Variants in RILPL2 observed in about 807,000 individuals in gnomAD.
RILPL2 encodes the protein Rab interacting lysosomal protein like 2, also known as RILP-like protein 2.
Under a neutral mutation model 22.2 loss-of-function variants are expected in RILPL2, and 19 were observed. The observed-to-expected ratio is 0.86, with a 90% CI of 0.60 to 1.25. RILPL2 has a LOEUF of 1.25. RILPL2 is among the 50% of genes most tolerant of loss of function. RILPL2 has a pLI of 0.00. For synonymous variants in RILPL2, 123 were observed against 111.6 expected (o/e 1.10, Z -0.64); for missense variants, 243 against 263.6 (o/e 0.92, Z 0.54).
rs1375337477 is a variant in RILPL2 at position 123,436,100 on chromosome 12, GCT to G, written c.319_320del (p.Ser107ProfsTer17). 1.3e-6 allele frequency: 2 copies of G among 1,579,330 alleles called. No individual in the cohort carries two copies. The highest frequency in any genetic ancestry group is 2.7e-5 in the African/African-American group (2 of 73,882). ...CACTCACCTCCCCGCTGGCCGGAGG[GCT>G]CTGTCTCCGCAGCCCCTCCACCTCC... ...RKEVEGLRRQ[S>X]PPASGEVNLG... On this transcript the variant is annotated frameshift_variant, in exon 1 of 4. Transcript: ENST00000280571. LOFTEE classifies it high-confidence loss of function. This position sits in a 1 kb window ranked among gnomAD's most constrained non-coding sequence, Gnocchi z 6.7.
Position 123,430,522 on chromosome 12 carries a change from C to G in RILPL2, c.477G>C (p.Leu159=). 6.2e-7 allele frequency: 1 copy of G among 1,606,432 alleles called. No homozygotes were observed. Among genetic ancestry groups the G allele is most frequent in the Non-Finnish European group, 8.5e-7 (1 of 1,175,510 alleles). Residue 159 remains leucine (L), a synonymous_variant, in exon 2 of 4, where the codon CTG becomes CTC. Coordinates refer to ENST00000280571, the MANE Select transcript of RILPL2 (RefSeq NM_145058.3). ...KSQLLVVQEE[L]QCYKSGLIPP... ...GTGGAGCCCACCTCTTGTAGCACTG[C>G]AGCTCTTCCTGCACCACCAGGAGCT...
intron 3 of RILPL2, among the ~76,000 whole-genome samples, chr12:123,421,487 T>G (rs1412436686): frequency 6.6e-6 from 1 of 152,010 alleles, no homozygotes; most frequent in East Asian, 1.9e-4. Context: ...CATGAACCAC[T>G]GCCCCCAGAG....
At chr12:123,435,405 G>A (rs1879767036) in intron 1 of RILPL2, among the ~76,000 whole-genome samples, 1 of 152,208 alleles carries the variant, frequency 6.6e-6, no homozygotes, top group Middle Eastern at 3.4e-3. Context: ...TCTTGTCTAT[G>A]TCTTTTTGTG....
chr12:123,432,230 G>A (rs989785276), intron 1 of RILPL2, among the ~76,000 whole-genome samples: 4 of 152,154 alleles, frequency 2.6e-5, no homozygotes, highest in Non-Finnish European at 5.9e-5. Context: ...AAGGGGTCAG[G>A]AATAGTGGCT....
Position 123,430,536 on chromosome 12 carries a change from C to A in RILPL2, c.463G>T (p.Val155Leu). 1.9e-6 allele frequency: 3 copies of A among 1,608,432 alleles called. No homozygotes were observed. The highest frequency in any genetic ancestry group is 2.5e-6 in the Non-Finnish European group (3 of 1,176,702). ...TTGTAGCACTGCAGCTCTTCCTGCA[C>A]CACCAGGAGCTGCGACTTGAGTTTG... The part of the protein sequence containing the change: ...RNKLKSQLLV[V>L]QEELQCYKSG... The change falls in exon 2 of 4, where the codon GTG (valine) becomes TTG (leucine). Residue 155 changes from valine to leucine, a missense_variant. Transcript: ENST00000280571.
intron 1 of RILPL2, among the ~76,000 whole-genome samples, 198 bp downstream of exon 1, chr12:123,435,884 C>T (rs925010012): frequency 2.6e-5 from 4 of 151,186 alleles, no homozygotes; most frequent in Non-Finnish European, 5.9e-5. Context: ...ACCCAGCACT[C>T]TAGGAGGCTG....
At chr12:123,410,940 C>T (rs1878955493), downstream of RILPL2, 1 of 152,198 alleles carries the variant, frequency 6.6e-6, no homozygotes, top group African/African-American at 2.4e-5. Flanking sequence ...CCAAGCTAGT[C>T]TCAAACCCCT....
intron 2 of RILPL2, among the ~76,000 whole-genome samples, chr12:123,428,657 C>T (rs908820110): frequency 1.3e-5 from 2 of 152,180 alleles, no homozygotes; most frequent in African/African-American, 2.4e-5. Context: ...CTAAATGCGG[C>T]GTGCTAATTA....
chr12:123,430,607 G>A lies in RILPL2; in HGVS notation c.392C>T (p.Pro131Leu). ...CCTTAGCTCCTGCAGAGTGAAGCGGGGTCGGTTGGGATCTGTCAGGTCAAC... is the reference window on the plus strand; with the variant it reads ...CCTTAGCTCCTGCAGAGTGAAGCGGAGTCGGTTGGGATCTGTCAGGTCAAC... ...MVVDLTDPNR[P>L]RFTLQELRDV... The change falls in exon 2 of 4, where the codon CCC (proline) becomes CTC (leucine). Residue 131 changes from proline (P) to leucine (L), a missense_variant. Physicochemically the swap from Pro to Leu is moderately conservative, Grantham distance 98. Transcript: ENST00000280571. 3 of 1,611,568 alleles carry A rather than the reference G, an allele frequency of 1.9e-6. No individual in the cohort carries two copies. Among genetic ancestry groups the A allele is most frequent in the Non-Finnish European group, 2.5e-6 (3 of 1,178,486 alleles).
intron 2 of RILPL2, among the ~76,000 whole-genome samples, chr12:123,426,423 G>A (rs985918209): frequency 1.3e-5 from 2 of 152,174 alleles, no homozygotes; most frequent in Admixed American, 6.6e-5. Context: ...AAAGTGTTGG[G>A]ATTACAGGTG....
chr12:123,413,204 C>A (rs561199989), downstream of RILPL2: 1 of 165,192 alleles, frequency 6.1e-6, no homozygotes, highest in Non-Finnish European at 1.3e-5. Context: ...CCCACCACCC[C>A]CCAAAAAAAA....
intron 1 of RILPL2, among the ~76,000 whole-genome samples, chr12:123,431,821 A>G (rs1402933779): frequency 6.7e-6 from 1 of 148,372 alleles, no homozygotes; most frequent in African/African-American, 2.5e-5. Flanking sequence ...GCGAAACTCC[A>G]TCTCAAAAAA....
chr12:123,416,280 C>T (rs933614863), intron 3 of RILPL2, among the ~76,000 whole-genome samples: 19 of 151,992 alleles, frequency 1.3e-4, no homozygotes, highest in Admixed American at 1.2e-3. Context: ...GCCGAGATTG[C>T]GCCACTGCAC....
chr12:123,436,181 A>G lies in RILPL2; in HGVS notation c.240T>C (p.Asn80=). The G allele has an allele frequency of 6.2e-7, 1 of 1,610,844 alleles. No homozygotes were observed. Among genetic ancestry groups the G allele is most frequent in the Non-Finnish European group, 8.5e-7 (1 of 1,178,828 alleles). ...RVLEMLEALV[N]EGSLALEELK... ...GCTCCTCCAGCGCCAGGCTGCCCTCATTCACCAGCGCCTCCAGCATCTCCA... is the reference window on the plus strand; with the variant it reads ...GCTCCTCCAGCGCCAGGCTGCCCTCGTTCACCAGCGCCTCCAGCATCTCCA... The change falls in exon 1 of 4, where the codon AAT becomes AAC. Residue 80 remains asparagine, a synonymous_variant. Coordinates refer to ENST00000280571, the MANE Select transcript of RILPL2 (RefSeq NM_145058.3). The surrounding 1 kb of genome is among the most constrained non-coding windows in gnomAD (Gnocchi z 6.7).
intron 3 of RILPL2, 135 bp from the exon 4 acceptor site, chr12:123,416,056 C>T (rs1010721448): frequency 5.2e-5 from 45 of 868,962 alleles, no homozygotes; most frequent in African/African-American, 2.7e-4. Context: ...TTGTGGCTCA[C>T]GCCTGTAATC....
At chr12:123,423,336 G>C (rs1367155359) in intron 2 of RILPL2, among the ~76,000 whole-genome samples, 179 bp from the exon 3 acceptor site, 1 of 150,832 alleles carries the variant, frequency 6.6e-6, no homozygotes, top group African/African-American at 2.4e-5. Context: ...TGAATAGCTA[G>C]GACTACAGGC....
In RILPL2 at chr12:123,436,616, C is replaced by T; in HGVS notation, c.-196G>A. The T allele has an allele frequency of 1.1e-6, 1 of 893,100 alleles. No homozygotes were observed. Among genetic ancestry groups the T allele is most frequent in the South Asian group, 1.8e-5 (1 of 55,192 alleles). The allele number at this position is 893,100 out of a possible 1,614,324, so 55.3% of individuals were successfully genotyped here. ...TGGGCCTGCGCCCCGGCGCACCGTC[C>T]CCGCTGCCAGCCACGCTGGAGAGTG... On this transcript the variant is annotated 5_prime_UTR_variant, in exon 1 of 4. Transcript: ENST00000280571. This position sits in a 1 kb window ranked among gnomAD's most constrained non-coding sequence, Gnocchi z 6.7.
At chr12:123,428,297 T>C (rs1348459981) in intron 2 of RILPL2, among the ~76,000 whole-genome samples, 2 of 152,060 alleles carry the variant, frequency 1.3e-5, no homozygotes, top group African/African-American at 2.4e-5. Flanking sequence ...CCACCACGCC[T>C]GGCTAATTTT....
downstream of RILPL2, chr12:123,412,662 T>A (rs921711868): frequency 1.1e-4 from 16 of 152,222 alleles, no homozygotes; most frequent in African/African-American, 3.1e-4. Flanking sequence ...TGCCTTAACC[T>A]CCTTGGGAGG....
Sources: allele counts gnomAD v4.1 joint callset (sites outside exome capture counted in the v4.1 genomes callset), GRCh38; gene constraint gnomAD v4.1.1; non-coding constraint Gnocchi (gnomAD v3.1); transcripts MANE v1.5; gene names NCBI Gene and HGNC (gene_info 2026-07-23, HGNC 2026-07-21).